Variants in RGS6 observed in about 807,000 individuals in gnomAD.
The protein encoded by RGS6 is regulator of G-protein signaling 6.
Under a neutral mutation model 78.5 loss-of-function variants are expected in RGS6, and 30 were observed. The observed-to-expected ratio is 0.38, with a 90% CI of 0.29 to 0.52. RGS6 has a LOEUF of 0.52. Among genes scored for constraint, RGS6 ranks in the 20% least tolerant of loss-of-function variants. The probability of loss-of-function intolerance (pLI) is 0.85; values close to 1 mark genes in which losing one functional copy is unlikely to be tolerated. For synonymous variants in RGS6, 206 were observed against 206.0 expected (o/e 1.00, Z 0.00); for missense variants, 495 against 609.7 (o/e 0.81, Z 1.98).
intron 2 of RGS6, among the ~76,000 whole-genome samples, chr14:72,166,112 AC>A (rs1433814703): frequency 5.3e-5 from 8 of 151,538 alleles, no homozygotes; most frequent in Admixed American, 2.0e-4. Flanking sequence ...ACACACACAC[AC>A]ACACACACAC....
intron 2 of RGS6, among the ~76,000 whole-genome samples, chr14:72,022,797 A>T (rs60103614): frequency 6.6e-6 from 1 of 152,192 alleles, no homozygotes; most frequent in African/African-American, 2.4e-5. Context: ...GAGATCTTTC[A>T]TGCCTGGACC....
chr14:72,485,809 AC>A (rs2096478527), intron 12 of RGS6, among the ~76,000 whole-genome samples: 1 of 152,024 alleles, frequency 6.6e-6, no homozygotes, highest in Non-Finnish European at 1.5e-5. Flanking sequence ...TGCCTCCAAG[AC>A]CCATTCTTCC....
intron 3 of RGS6, among the ~76,000 whole-genome samples, chr14:72,441,058 A>G (rs1448005908): frequency 1.3e-5 from 2 of 152,126 alleles, no homozygotes; most frequent in Admixed American, 1.3e-4. Flanking sequence ...GCATGTGTGC[A>G]GGTATGTATG....
chr14:72,129,728 A>G lies in RGS6; in HGVS notation c.84+164853A>G, dbSNP rs2096275725. Among the ~76,000 whole-genome samples, 2 of 152,194 alleles carry G rather than the reference A, an allele frequency of 1.3e-5. 1 individual carries two copies. The highest frequency in any genetic ancestry group is 4.1e-4 in the South Asian group (2 of 4,834). On this transcript the variant is annotated intron_variant, in intron 2 of 17. Coordinates refer to ENST00000553525, the MANE Select transcript of RGS6 (RefSeq NM_001204424.2). ...ATAGTGTGGCTCAGGGCTTCCAAAAAGCACAAAGGGAGAAGCTTCCAGGCC... is the reference window on the plus strand; with the variant it reads ...ATAGTGTGGCTCAGGGCTTCCAAAAGGCACAAAGGGAGAAGCTTCCAGGCC...
At chr14:72,629,268 C>T in the RGS6 span, among the ~76,000 whole-genome samples, 1 of 152,106 alleles carries the variant, frequency 6.6e-6, no homozygotes, top group South Asian at 2.1e-4. Context: ...TGATCTTTGT[C>T]GAAGCTGGTG....
rs1406521157 is a variant in RGS6, at chr14:72,262,346, G to T, written c.85-89749G>T. On this transcript the variant is annotated intron_variant, in intron 2 of 17. Coordinates refer to ENST00000553525, the MANE Select transcript of RGS6 (RefSeq NM_001204424.2). ...TGGAAAGTCCAAGATCAAGGTGGAG[G>T]CCTCTCTTCCTGGTTTGCAGAATCC... 4.6e-5 allele frequency among the ~76,000 whole-genome samples: 7 copies of T among 152,194 alleles called. 1 individual carries two copies. Among genetic ancestry groups the T allele is most frequent in the Middle Eastern group, 6.3e-3 (2 of 316 alleles).
chr14:72,589,210 G>C, the RGS6 span, among the ~76,000 whole-genome samples: 1 of 152,318 alleles, frequency 6.6e-6, no homozygotes, highest in East Asian at 1.9e-4. Context: ...CTAGCAGTTG[G>C]AGTGGAAAGT....
At chr14:72,619,023 A>G in the RGS6 span, among the ~76,000 whole-genome samples, 7 of 152,222 alleles carry the variant, frequency 4.6e-5, no homozygotes, top group Non-Finnish European at 7.3e-5. Context: ...GGTAAAAGTG[A>G]GAGGGGTTCC....
chr14:71,928,668 C>G (rs1254380215), upstream of RGS6, among the ~76,000 whole-genome samples: 2 of 152,180 alleles, frequency 1.3e-5, no homozygotes, highest in African/African-American at 4.8e-5. Flanking sequence ...TTTCCTGCAA[C>G]TCCTCACTTG....
At chr14:72,223,684 G>A (rs950762984) in intron 2 of RGS6, among the ~76,000 whole-genome samples, 1 of 152,218 alleles carries the variant, frequency 6.6e-6, no homozygotes, top group Non-Finnish European at 1.5e-5. Context: ...TCCAGAGTCA[G>A]GAAGAGAAGT....
chr14:72,125,268 C>A (rs1024560340), intron 2 of RGS6, among the ~76,000 whole-genome samples: 4 of 152,166 alleles, frequency 2.6e-5, no homozygotes, highest in Non-Finnish European at 5.9e-5. Context: ...AACTGTGCAT[C>A]TTATGCTTCC....
At chr14:71,901,708 C>G in the RGS6 span, among the ~76,000 whole-genome samples, 1 of 152,068 alleles carries the variant, frequency 6.6e-6, no homozygotes, top group East Asian at 1.9e-4. Context: ...CTCCCATCTC[C>G]CTGTTTTTGG....
chr14:72,608,130 A>G, the RGS6 span, among the ~76,000 whole-genome samples: 4 of 152,084 alleles, frequency 2.6e-5, no homozygotes, highest in African/African-American at 9.7e-5. Flanking sequence ...CGTTCATCAC[A>G]TGTTGTACTA....
intron 14 of RGS6, among the ~76,000 whole-genome samples, chr14:72,510,919 G>A (rs921086876): frequency 5.3e-5 from 8 of 152,138 alleles, no homozygotes; most frequent in Non-Finnish European, 8.8e-5. Flanking sequence ...TGAGGGAAAT[G>A]TATTAATAAT....
chr14:72,184,411 C>G (rs1354135780), intron 2 of RGS6, among the ~76,000 whole-genome samples: 1 of 146,932 alleles, frequency 6.8e-6, no homozygotes, highest in Non-Finnish European at 1.5e-5. Flanking sequence ...CACACACACA[C>G]AGAAAGAGGG....
At chr14:72,132,302 A>T in intron 2 of RGS6, among the ~76,000 whole-genome samples, 1 of 143,128 alleles carries the variant, frequency 7.0e-6, no homozygotes, top group Non-Finnish European at 1.5e-5. Context: ...TTTTAGGTGG[A>T]GTCTCACTCT....
intron 2 of RGS6, among the ~76,000 whole-genome samples, chr14:72,120,996 T>A (rs1369302464): frequency 1.3e-5 from 2 of 152,208 alleles, no homozygotes; most frequent in Non-Finnish European, 2.9e-5. Flanking sequence ...GAGGGAGATT[T>A]GCTCAGTTCC....
intron 2 of RGS6, among the ~76,000 whole-genome samples, chr14:72,141,429 C>T (rs138898975): frequency 1.4e-3 from 218 of 152,264 alleles, no homozygotes; most frequent in African/African-American, 5.0e-3. Context: ...CTCTCTCAGC[C>T]GAGTGTAATA....
chr14:72,407,522 C>G (rs1241390618), intron 3 of RGS6, among the ~76,000 whole-genome samples: 1 of 152,212 alleles, frequency 6.6e-6, no homozygotes, highest in Non-Finnish European at 1.5e-5. Flanking sequence ...CCACTAAGTA[C>G]TCAGATATTT....
Sources: gnomAD v4.1 joint callset for allele counts (sites outside exome capture counted in the v4.1 genomes callset) on GRCh38, gnomAD v4.1.1 for gene constraint, MANE v1.5 for transcripts, NCBI Gene and HGNC (gene_info 2026-07-23, HGNC 2026-07-21) for gene names.